Variants in COL6A6 observed in about 807,000 individuals in gnomAD.
COL6A6 encodes collagen type VI alpha 6 chain.
A neutral mutation model predicts 208.6 loss-of-function variants in COL6A6; 183 were observed. The observed-to-expected ratio is 0.88, with a 90% confidence interval of 0.78 to 0.99. The LOEUF (loss-of-function observed/expected upper bound fraction) is 0.99. Ranked by LOEUF, COL6A6 falls within the 50% of genes least tolerant of loss-of-function variation. The pLI is 0.00. For synonymous variants in COL6A6, 973 were observed against 1,011.8 expected (o/e 0.96, Z 0.73); for missense variants, 2,816 against 2,815.2 (o/e 1.00, Z -0.01).
intron 33 of COL6A6, among the ~76,000 whole-genome samples, chr3:130,657,141 A>C (rs1052847539): frequency 6.6e-6 from 1 of 152,220 alleles, no homozygotes; most frequent in Admixed American, 6.5e-5. Flanking sequence ...GCTGCATTCA[A>C]GGAGCAGGAG....
chr3:130,662,212 C>T lies in COL6A6; in HGVS notation c.6406C>T (p.Pro2136Ser), dbSNP rs760622087. 3.6e-5 allele frequency: 58 copies of T among 1,613,886 alleles called. No individual in the cohort carries two copies. The highest frequency in any genetic ancestry group is 4.0e-5 in the Non-Finnish European group (47 of 1,179,882). Residue 2136 changes from proline (P) to serine (S), a missense_variant, in exon 35 of 37, where the codon CCT becomes TCT. By Grantham distance (74) the Pro-to-Ser change is moderately conservative. Coordinates refer to ENST00000358511, the MANE Select transcript of COL6A6 (RefSeq NM_001102608.3). Reference sequence around the variant, plus strand: ...GGAACTGGAGGATCTCGCCAGCCACCCTTTGGATCACCACCTGGTCCAGCT... The same window carrying T: ...GGAACTGGAGGATCTCGCCAGCCACTCTTTGGATCACCACCTGGTCCAGCT... ...DKELEDLASH[P>S]LDHHLVQLGR...
chr3:130,673,214 AAAC>A lies in COL6A6; in HGVS notation c.6597-1985_6597-1983del, dbSNP rs1304597003. Among the ~76,000 whole-genome samples the A allele has an allele frequency of 5.3e-3, 659 of 124,610 alleles. 10 individuals are homozygous for A. The highest frequency in any genetic ancestry group is 0.027 in the African/African-American group (623 of 23,306). The allele number at this position is 124,610 out of a possible 152,430, so 81.7% of individuals were successfully genotyped here. On this transcript the variant is annotated intron_variant, in intron 36 of 36. Coordinates refer to ENST00000358511, the MANE Select transcript of COL6A6 (RefSeq NM_001102608.3). The stretch of plus-strand genomic sequence containing the variant: ...AACAAAAAAACAAAAAAAACAAAAA[AAAC>A]AAAAAAAAAAAACAAAACCCAAGTG...
rs770320554 is a variant in COL6A6 at position 130,573,995 on chromosome 3, A to G, written c.3017A>G (p.Asp1006Gly). Residue 1006 changes from aspartate to glycine, a missense_variant, in exon 8 of 37, where the codon GAT (aspartate) becomes GGT (glycine). Transcript: ENST00000358511. ...AAAGTAGATCTTGTTTTCCTTATGG[A>G]TGGTTCAACTAGCATTCAGCCAAAT... ...IDKVDLVFLM[D>G]GSTSIQPNDF... The G allele has an allele frequency of 1.9e-6, 3 of 1,613,116 alleles. No individual in the cohort carries two copies. Among genetic ancestry groups the G allele is most frequent in the South Asian group, 1.1e-5 (1 of 91,048 alleles).
At chr3:130,617,483 A>C (rs2064568089) in intron 23 of COL6A6, among the ~76,000 whole-genome samples, 1 of 152,198 alleles carries the variant, frequency 6.6e-6, no homozygotes, top group Non-Finnish European at 1.5e-5. Flanking sequence ...CAGAGATATC[A>C]AGGTGAGTTT....
intron 36 of COL6A6, among the ~76,000 whole-genome samples, chr3:130,674,656 TTGAG>T (rs2066315067): frequency 6.6e-6 from 1 of 152,212 alleles, no homozygotes; most frequent in African/African-American, 2.4e-5. Flanking sequence ...CAAATACTTA[TTGAG>T]TGACTGCTAT....
chr3:130,569,504 A>G (rs1184349197), intron 6 of COL6A6, among the ~76,000 whole-genome samples: 1 of 152,238 alleles, frequency 6.6e-6, no homozygotes, highest in Admixed American at 6.5e-5. Flanking sequence ...TGAAGGACAT[A>G]GATCTGCATG....
intron 26 of COL6A6, among the ~76,000 whole-genome samples, chr3:130,627,771 C>T (rs925536498): frequency 1.3e-5 from 2 of 151,946 alleles, no homozygotes; most frequent in Non-Finnish European, 2.9e-5. Flanking sequence ...AATGTACTGG[C>T]CCAAGCAATA....
intron 1 of COL6A6, among the ~76,000 whole-genome samples, chr3:130,522,336 T>C (rs1304815548): frequency 6.6e-6 from 1 of 152,202 alleles, no homozygotes; most frequent in Non-Finnish European, 1.5e-5. Context: ...CAGTGAAGAT[T>C]TGGTGTGACT....
At chr3:130,524,493 G>T (rs2061915692) in intron 1 of COL6A6, among the ~76,000 whole-genome samples, 1 of 152,098 alleles carries the variant, frequency 6.6e-6, no homozygotes, top group South Asian at 2.1e-4. Flanking sequence ...AGAAAAATAG[G>T]CAAAATGGTG....
chr3:130,586,756 A>G (rs1358407024), intron 11 of COL6A6, 96 bp downstream of exon 11: 1 of 1,245,236 alleles, frequency 8.0e-7, no homozygotes, highest in Non-Finnish European at 1.1e-6. Flanking sequence ...TACTGTGTTT[A>G]TTTGGGAGTG....
At chr3:130,612,838 A>T (rs963497918) in intron 23 of COL6A6, among the ~76,000 whole-genome samples, 1 of 152,254 alleles carries the variant, frequency 6.6e-6, no homozygotes, top group Middle Eastern at 3.4e-3. Context: ...TCTTTTGAAA[A>T]TTGTTCATAT....
intron 11 of COL6A6, among the ~76,000 whole-genome samples, chr3:130,587,445 A>G (rs1299712578): frequency 6.6e-6 from 1 of 152,206 alleles, no homozygotes; most frequent in East Asian, 1.9e-4. Context: ...TATATTTAGT[A>G]GAAACAGGGT....
intron 25 of COL6A6, among the ~76,000 whole-genome samples, 152 bp from the exon 26 acceptor site, chr3:130,627,167 T>C (rs1482608708): frequency 6.6e-6 from 1 of 152,190 alleles, no homozygotes; most frequent in Non-Finnish European, 1.5e-5. Flanking sequence ...AGTACTACTA[T>C]CATAAAATGT....
At chr3:130,531,956 G>A (rs1271878568) in intron 1 of COL6A6, among the ~76,000 whole-genome samples, 1 of 152,186 alleles carries the variant, frequency 6.6e-6, no homozygotes, top group Admixed American at 6.5e-5. Flanking sequence ...AGATAGCACA[G>A]GGGAAGAGGT....
chr3:130,649,408 G>C lies in COL6A6; in HGVS notation c.5579G>C (p.Gly1860Ala), dbSNP rs1204879848. 1.2e-5 allele frequency: 19 copies of C among 1,612,934 alleles called. No homozygotes were observed. The highest frequency in any genetic ancestry group is 1.7e-5 in the Admixed American group (1 of 59,884). Residue 1860 changes from glycine (G) to alanine (A), a missense_variant, in exon 33 of 37, where the codon GGG (glycine) becomes GCG (alanine). Physicochemically the swap from Gly to Ala is moderately conservative, Grantham distance 60 (BLOSUM62 0). Coordinates refer to ENST00000358511, the MANE Select transcript of COL6A6 (RefSeq NM_001102608.3). ...SRNVFKRTLP[G>A]AHTRKIATFF... ...AATGTCTTCAAGCGGACGCTTCCGGGGGCACACACGAGAAAAATCGCCACA... is the reference window on the plus strand; with the variant it reads ...AATGTCTTCAAGCGGACGCTTCCGGCGGCACACACGAGAAAAATCGCCACA...
chr3:130,542,184 TCTTTG>T (rs1286932796), intron 1 of COL6A6, among the ~76,000 whole-genome samples: 1 of 151,992 alleles, frequency 6.6e-6, no homozygotes, highest in African/African-American at 2.4e-5. Context: ...TCCTCTTTTT[TCTTTG>T]CTTTGGATTT....
intron 1 of COL6A6, among the ~76,000 whole-genome samples, chr3:130,538,760 T>C (rs4234419): frequency 0.72 from 109,414 of 151,644 alleles, 42,403 homozygotes; most frequent in Non-Finnish European, 0.87. Context: ...GAGCTCAGTA[T>C]TGCCAAGTCA....
intron 19 of COL6A6, among the ~76,000 whole-genome samples, chr3:130,599,333 CT>C (rs1439002590): frequency 4.6e-5 from 7 of 152,094 alleles, no homozygotes; most frequent in African/African-American, 1.7e-4. Flanking sequence ...TATTATGAGA[CT>C]TTATTTACAG....
intron 1 of COL6A6, among the ~76,000 whole-genome samples, chr3:130,546,857 A>G (rs1214836677): frequency 6.6e-6 from 1 of 152,194 alleles, no homozygotes; most frequent in Non-Finnish European, 1.5e-5. Context: ...TCAAGTCCCC[A>G]CTAGATTAGC....
Sources: gnomAD v4.1 joint callset for allele counts (sites outside exome capture counted in the v4.1 genomes callset) on GRCh38, gnomAD v4.1.1 for gene constraint, MANE v1.5 for transcripts, NCBI Gene and HGNC (gene_info 2026-07-23, HGNC 2026-07-21) for gene names.